DENND5A: variants seen among roughly 807,000 people sequenced by gnomAD.
The protein encoded by DENND5A is DENN domain-containing protein 5A.
DENND5A carries 64 observed loss-of-function variants against 140.3 expected under a neutral mutation model. The observed-to-expected ratio is 0.46, with a 90% CI of 0.37 to 0.56. DENND5A has a LOEUF of 0.56. Ranked by LOEUF, DENND5A falls within the 20% of genes least tolerant of loss-of-function variation. The pLI, the probability that DENND5A is intolerant of heterozygous loss-of-function variation, is 0.00. For synonymous variants in DENND5A, 605 were observed against 607.7 expected (o/e 1.00, Z 0.07); for missense variants, 1,292 against 1,593.8 (o/e 0.81, Z 3.22).
chr11:9,195,577 G>A (rs1849296062), intron 4 of DENND5A, among the ~76,000 whole-genome samples: 1 of 152,094 alleles, frequency 6.6e-6, no homozygotes, highest in South Asian at 2.1e-4. Context: ...ATCACAGCTT[G>A]GTTCATAAAG....
At chr11:9,264,818 C>G (rs1852370608) in intron 1 of DENND5A, 143 bp downstream of exon 1, 1 of 665,656 alleles carries the variant, frequency 1.5e-6, no homozygotes, top group Non-Finnish European at 2.5e-6. Context: ...CAGTCCAAAG[C>G]CCCCTTCGCC....
rs781314409 is a variant in DENND5A at position 9,145,651 on chromosome 11, G to A, written c.3003+19C>T. On this transcript the variant is annotated intron_variant, in intron 17 of 22. Coordinates refer to ENST00000328194, the MANE Select transcript of DENND5A (RefSeq NM_015213.4). Reference sequence around the variant, plus strand: ...CAAACTCAGATCCCCACAGAGCTGTGGCCCCAAATAACACATACCTCGAAG... The same window carrying A: ...CAAACTCAGATCCCCACAGAGCTGTAGCCCCAAATAACACATACCTCGAAG... 6.2e-6 allele frequency: 10 copies of A among 1,613,714 alleles called. No homozygotes were observed. The Admixed American group carries it at 1.5e-4, about 24-fold the overall frequency.
chr11:9,187,750 G>A (rs747079455), intron 5 of DENND5A, among the ~76,000 whole-genome samples: 23 of 152,120 alleles, frequency 1.5e-4, no homozygotes, highest in Non-Finnish European at 3.1e-4. Context: ...CTCAGACAAC[G>A]AAGCTCCAAA....
intron 11 of DENND5A, among the ~76,000 whole-genome samples, chr11:9,162,930 C>T (rs569336824): frequency 6.6e-6 from 1 of 151,638 alleles, no homozygotes; most frequent in Non-Finnish European, 1.5e-5. Context: ...AACCGAACTC[C>T]CAGGCTCAAG....
rs192186408 is a variant in DENND5A at position 9,220,496 on chromosome 11, A to C, written c.110-12864T>G. Among the ~76,000 whole-genome samples, 162 of 152,178 alleles carry C rather than the reference A, an allele frequency of 1.1e-3. No homozygotes were observed. In the East Asian group the frequency reaches 0.027, roughly 26 times the overall value. On this transcript the variant is annotated intron_variant, in intron 1 of 22. Coordinates refer to ENST00000328194, the MANE Select transcript of DENND5A (RefSeq NM_015213.4). ...CAGGAGGTGGAAGTTGCAGTGAGCC[A>C]AGATCATGCCATTGCACTCCAGTAT...
rs1417062953 is a variant in DENND5A, at chr11:9,150,262, C to T, written c.2607-53G>A. ...GAGGGTGGGATGGGAGATGAACTCA[C>T]TGCCAATAACTTACCTGTAAAGCCA... On this transcript the variant is annotated intron_variant, in intron 14 of 22. Coordinates refer to ENST00000328194, the MANE Select transcript of DENND5A (RefSeq NM_015213.4). 5 of 1,592,496 alleles carry T rather than the reference C, an allele frequency of 3.1e-6. No homozygotes were observed. In the African/African-American group the frequency reaches 5.4e-5, roughly 17 times the overall value.
At chr11:9,144,957 C>A in intron 18 of DENND5A, 38 bp downstream of exon 18, 1 of 1,422,236 alleles carries the variant, frequency 7.0e-7, no homozygotes, top group Non-Finnish European at 1.0e-6. Context: ...TGTAGATACA[C>A]CTTGCCCCTC....
intron 17 of DENND5A, 80 bp downstream of exon 17, chr11:9,145,589 GA>G (rs1847401249): frequency 6.7e-7 from 1 of 1,488,052 alleles, no homozygotes; most frequent in Non-Finnish European, 9.3e-7. Flanking sequence ...CAAGCCCTCT[GA>G]AAAACCCTGC....
At chr11:9,173,353 T>G (rs997170181) in intron 8 of DENND5A, among the ~76,000 whole-genome samples, 2 of 152,202 alleles carry the variant, frequency 1.3e-5, no homozygotes, top group Non-Finnish European at 2.9e-5. Context: ...AACTACACAG[T>G]TAATGTATTA....
chr11:9,246,617 A>C (rs1851483924), intron 1 of DENND5A, among the ~76,000 whole-genome samples: 1 of 151,536 alleles, frequency 6.6e-6, no homozygotes, highest in South Asian at 2.1e-4. Context: ...GTCTCAAAAA[A>C]AAAAAAAAAA....
intron 1 of DENND5A, among the ~76,000 whole-genome samples, chr11:9,230,099 C>T (rs939868173): frequency 3.3e-5 from 5 of 151,140 alleles, no homozygotes; most frequent in African/African-American, 4.8e-5. Flanking sequence ...TTAGTAGAGA[C>T]GGGGTTTCAC....
chr11:9,250,138 C>A (rs919247337), intron 1 of DENND5A, among the ~76,000 whole-genome samples: 1 of 151,804 alleles, frequency 6.6e-6, no homozygotes, highest in South Asian at 2.1e-4. Flanking sequence ...AGCCAGCCCC[C>A]GAACTACAAC....
chr11:9,265,028 G>A lies in DENND5A; in HGVS notation c.42C>T (p.Arg14=), dbSNP rs756786697. 6.4e-6 allele frequency: 10 copies of A among 1,569,112 alleles called. No homozygotes were observed. Among genetic ancestry groups the A allele is most frequent in the Admixed American group, 1.8e-5 (1 of 55,742 alleles). Residue 14 remains arginine, a synonymous_variant, in exon 1 of 23, where the codon CGC becomes CGT. Transcript: ENST00000328194. This position sits in a 1 kb window ranked among gnomAD's most constrained non-coding sequence, Gnocchi z 4.7. ...CGCAGATGACAAAGTAGTCGGCGAA[G>A]CGACTGGGCGCCGAGCCCCCTCCGC... The part of the protein sequence containing the change: ...GGGGGGSAPS[R]FADYFVICGL...
chr11:9,232,790 T>C (rs963516479), intron 1 of DENND5A, among the ~76,000 whole-genome samples: 1 of 152,192 alleles, frequency 6.6e-6, no homozygotes, highest in Non-Finnish European at 1.5e-5. Flanking sequence ...CATGTCACTA[T>C]TGTAATACTC....
intron 15 of DENND5A, among the ~76,000 whole-genome samples, chr11:9,147,551 C>A (rs116936659): frequency 6.6e-6 from 1 of 152,252 alleles, no homozygotes; most frequent in East Asian, 1.9e-4. Flanking sequence ...TCTGTGGTCA[C>A]CATTCATCAC....
chr11:9,202,564 A>C (rs1309204955), intron 4 of DENND5A, among the ~76,000 whole-genome samples: 1 of 152,168 alleles, frequency 6.6e-6, no homozygotes, highest in Non-Finnish European at 1.5e-5. Flanking sequence ...ATTATTTTAA[A>C]ATAAAAAGTA....
At chr11:9,203,639 C>T in intron 4 of DENND5A, 21 bp downstream of exon 4, 1 of 1,594,358 alleles carries the variant, frequency 6.3e-7, no homozygotes. Context: ...AGGCAGAAGG[C>T]TCTAGTAAGC....
intron 1 of DENND5A, among the ~76,000 whole-genome samples, chr11:9,235,521 G>A (rs1033476712): frequency 1.3e-5 from 2 of 151,220 alleles, no homozygotes; most frequent in Non-Finnish European, 3.0e-5. Flanking sequence ...AGCTGGGCAC[G>A]ATGGCGGGCA....
At chr11:9,185,666 T>A (rs531852683) in intron 5 of DENND5A, among the ~76,000 whole-genome samples, 1 of 152,272 alleles carries the variant, frequency 6.6e-6, no homozygotes, top group African/African-American at 2.4e-5. Flanking sequence ...TCCCAGAACT[T>A]AAGATGTATA....
Sources: allele counts gnomAD v4.1 joint callset (sites outside exome capture counted in the v4.1 genomes callset), GRCh38; gene constraint gnomAD v4.1.1; non-coding constraint Gnocchi (gnomAD v3.1); transcripts MANE v1.5; gene names NCBI Gene and HGNC (gene_info 2026-07-23, HGNC 2026-07-21).